Variants in SCEL observed in about 807,000 individuals in gnomAD.
SCEL encodes the protein sciellin.
In SCEL, 113 loss-of-function variants were observed where a neutral mutation model predicts 117.6. The observed-to-expected ratio is 0.96, with a 90% CI of 0.83 to 1.12. SCEL has a LOEUF of 1.12. Among genes scored for constraint, SCEL ranks in the 50% most tolerant of loss-of-function variants. SCEL has a pLI of 0.00. For missense variants in SCEL, 785 were observed against 810.8 expected, an observed-to-expected ratio of 0.97 and a Z score of 0.39; for synonymous variants, 270 against 256.2, an observed-to-expected ratio of 1.05 and a Z score of -0.51.
chr13:77,562,116 T>C (rs1004085403), intron 4 of SCEL, among the ~76,000 whole-genome samples: 2 of 152,166 alleles, frequency 1.3e-5, no homozygotes, highest in East Asian at 1.9e-4. Flanking sequence ...TCAGTAGCTG[T>C]GTTAAGAGCT....
At chr13:77,537,196 G>A (rs975774626) in intron 1 of SCEL, among the ~76,000 whole-genome samples, 10 of 152,316 alleles carry the variant, frequency 6.6e-5, no homozygotes, top group Admixed American at 2.0e-4. Flanking sequence ...GAATGTTAGC[G>A]TCGTATAAAT....
chr13:77,632,435 C>T (rs2154406243), intron 28 of SCEL, among the ~76,000 whole-genome samples: 1 of 152,302 alleles, frequency 6.6e-6, no homozygotes, highest in African/African-American at 2.4e-5. Flanking sequence ...ATGACATATT[C>T]TAATAATCGT....
intron 30 of SCEL, 84 bp downstream of exon 30, chr13:77,637,278 AGG>A (rs2090328943): frequency 6.2e-6 from 2 of 322,206 alleles, no homozygotes; most frequent in Admixed American, 4.7e-5. Flanking sequence ...ACACACACAC[AGG>A]CACACACACA....
chr13:77,618,092 C>T (rs1249682734), intron 27 of SCEL, 32 bp downstream of exon 27: 3 of 1,571,552 alleles, frequency 1.9e-6, no homozygotes, highest in East Asian at 4.5e-5. Context: ...GACATGTTTA[C>T]AAGTTTCTAG....
At chr13:77,615,611 A>C (rs924697197) in intron 24 of SCEL, among the ~76,000 whole-genome samples, 2 of 152,148 alleles carry the variant, frequency 1.3e-5, no homozygotes, top group Non-Finnish European at 2.9e-5. Context: ...AAATAAATAA[A>C]AACAGTAACT....
At chr13:77,626,961 C>A (rs965622) in intron 27 of SCEL, among the ~76,000 whole-genome samples, 139,444 of 151,476 alleles carry the variant, frequency 0.92, 64,162 homozygotes, top group South Asian at 0.96. Context: ...AGAAAAAAAA[C>A]AGAACTATCA....
intron 20 of SCEL, 84 bp downstream of exon 20, chr13:77,608,199 T>C: frequency 9.4e-7 from 1 of 1,068,900 alleles, no homozygotes; most frequent in South Asian, 1.5e-5. Flanking sequence ...GAAAAACCTT[T>C]GGATTGGGAT....
In SCEL at chr13:77,637,138, A is replaced by G. The variant is rs1246897514; in HGVS notation, c.1782A>G (p.Gly594=). 6.4e-7 allele frequency: 1 copy of G among 1,552,224 alleles called. No homozygotes were observed. Among genetic ancestry groups the G allele is most frequent in the South Asian group, 1.2e-5 (1 of 83,584 alleles). Residue 594 remains glycine (G), a synonymous_variant, in exon 30 of 33, where the codon GGA becomes GGG. Transcript: ENST00000349847. ...YVENSKSPKD[G]YQENISGKYI... ...TTCCTAGTAAATCACCCAAGGATGG[A>G]TATCAGGAGAATATCTCTGGAAAAT...
chr13:77,593,630 C>A, intron 12 of SCEL, 57 bp downstream of exon 12: 3 of 1,269,546 alleles, frequency 2.4e-6, no homozygotes, highest in Non-Finnish European at 3.4e-6. Context: ...TTCAAAAATG[C>A]TTAACCACAC....
chr13:77,559,101 T>G (rs893530885), intron 3 of SCEL, among the ~76,000 whole-genome samples: 2 of 152,182 alleles, frequency 1.3e-5, no homozygotes, highest in Non-Finnish European at 2.9e-5. Flanking sequence ...TGATTTGGAA[T>G]GAAAATATCT....
chr13:77,577,928 T>C (rs1238187204), intron 9 of SCEL, among the ~76,000 whole-genome samples: 1 of 152,236 alleles, frequency 6.6e-6, no homozygotes, highest in Non-Finnish European at 1.5e-5. Context: ...TAACTACTTA[T>C]GCCAGGGAGT....
intron 4 of SCEL, among the ~76,000 whole-genome samples, chr13:77,561,869 G>A (rs1273873365): frequency 2.0e-5 from 3 of 152,164 alleles, no homozygotes; most frequent in African/African-American, 7.2e-5. Context: ...AGGCTGGCTG[G>A]TGGGCATGGA....
chr13:77,542,906 T>A (rs2083783796), intron 1 of SCEL, among the ~76,000 whole-genome samples: 2 of 152,158 alleles, frequency 1.3e-5, no homozygotes, highest in South Asian at 4.1e-4. Context: ...TTCCTAGGGA[T>A]TTTCCCTGTT....
chr13:77,578,548 G>A (rs749552205), intron 9 of SCEL, among the ~76,000 whole-genome samples: 1 of 152,144 alleles, frequency 6.6e-6, no homozygotes, highest in Admixed American at 6.5e-5. Context: ...AAGAACATCA[G>A]TATTCTCTGG....
chr13:77,557,818 G>A (rs546883922), intron 3 of SCEL, among the ~76,000 whole-genome samples: 1 of 152,294 alleles, frequency 6.6e-6, no homozygotes, highest in East Asian at 1.9e-4. Flanking sequence ...AGTGTCAATA[G>A]TCCTGCAGTT....
chr13:77,580,914 G>A (rs916606971), intron 9 of SCEL, among the ~76,000 whole-genome samples: 1 of 152,064 alleles, frequency 6.6e-6, no homozygotes, highest in Non-Finnish European at 1.5e-5. Context: ...TAGCTGATTG[G>A]TAGACTTGGA....
chr13:77,580,397 G>A (rs747370053), intron 9 of SCEL, among the ~76,000 whole-genome samples: 4 of 152,116 alleles, frequency 2.6e-5, no homozygotes, highest in Non-Finnish European at 4.4e-5. Flanking sequence ...AGCATTTGCC[G>A]GACGTGAGCC....
At chr13:77,628,908 G>A (rs58348591) in intron 28 of SCEL, among the ~76,000 whole-genome samples, 3,882 of 152,196 alleles carry the variant, frequency 0.026, 163 homozygotes, top group East Asian at 0.13. Flanking sequence ...TTGAGAGAAT[G>A]AGGGAGGATA....
At chr13:77,570,914 C>CCTCT (rs1314585207) in intron 8 of SCEL, among the ~76,000 whole-genome samples, 1 of 151,466 alleles carries the variant, frequency 6.6e-6, no homozygotes, top group African/African-American at 2.4e-5. Flanking sequence ...CTCACTGCAA[C>CCTCT]CTCTGCCTCC....
Sources: gnomAD v4.1 joint callset for allele counts (sites outside exome capture counted in the v4.1 genomes callset) on GRCh38, gnomAD v4.1.1 for gene constraint, MANE v1.5 for transcripts, NCBI Gene and HGNC (gene_info 2026-07-23, HGNC 2026-07-21) for gene names.